Variants in CSE1L observed in about 807,000 individuals in gnomAD.
CSE1L encodes the protein exportin-2.
CSE1L carries 24 observed loss-of-function variants against 120.4 expected under a neutral mutation model. The observed-to-expected ratio is 0.20, with a 90% CI of 0.14 to 0.28. CSE1L has a LOEUF of 0.28. Ranked by LOEUF, CSE1L falls within the 10% of genes least tolerant of loss-of-function variation. The pLI, the probability that CSE1L is intolerant of heterozygous loss-of-function variation, is 1.00. For synonymous variants in CSE1L, 402 were observed against 398.3 expected (o/e 1.01, Z -0.11); for missense variants, 830 against 1,145.2 (o/e 0.72, Z 3.97).
chr20:49,088,026 T>C lies in CSE1L; in HGVS notation c.1741T>C (p.Ser581Pro). Residue 581 changes from serine (S) to proline (P), a missense_variant, in exon 17 of 25, where the codon TCT becomes CCT. Transcript: ENST00000262982. ...TTTTACAGCTATCATGAGAAGTTTT[T>C]CTCTCCTACAAGAAGCCATAATCCC... is the stretch of plus-strand genomic sequence containing the variant. Reference protein sequence around the residue: ...YIMKAIMRSFSLLQEAIIPYI... With the variant: ...YIMKAIMRSFPLLQEAIIPYI... The C allele has an allele frequency of 1.2e-6, 2 of 1,607,564 alleles. No individual in the cohort carries two copies. The highest frequency in any genetic ancestry group is 1.7e-6 in the Non-Finnish European group (2 of 1,176,812).
intron 2 of CSE1L, among the ~76,000 whole-genome samples, chr20:49,061,692 C>T (rs900366912): frequency 3.0e-4 from 45 of 151,362 alleles, no homozygotes; most frequent in African/African-American, 9.0e-4. Flanking sequence ...TTAGTAGAGA[C>T]GGGTGTTTCA....
chr20:49,048,918 A>G (rs1322898147), intron 1 of CSE1L, among the ~76,000 whole-genome samples: 1 of 152,202 alleles, frequency 6.6e-6, no homozygotes, highest in African/African-American at 2.4e-5. Flanking sequence ...ATATCTAAGA[A>G]AAAGGCAGAC....
intron 23 of CSE1L, among the ~76,000 whole-genome samples, 161 bp from the exon 24 acceptor site, chr20:49,094,571 G>A (rs2092125569): frequency 6.6e-6 from 1 of 152,142 alleles, no homozygotes; most frequent in Admixed American, 6.5e-5. Context: ...TCTTTAAGGG[G>A]AAGAACTGAA....
chr20:49,056,668 C>T (rs1180611494), intron 1 of CSE1L, among the ~76,000 whole-genome samples: 1 of 146,792 alleles, frequency 6.8e-6, no homozygotes, highest in African/African-American at 2.5e-5. Flanking sequence ...GACACTTGTA[C>T]TCTGTGTATG....
At chr20:49,093,096 T>A (rs2092113982) in intron 22 of CSE1L, among the ~76,000 whole-genome samples, 2 of 152,224 alleles carry the variant, frequency 1.3e-5, no homozygotes, top group Admixed American at 1.3e-4. Flanking sequence ...GTTAGATCCC[T>A]GTACCTCAGT....
chr20:49,094,221 G>T lies in CSE1L; in HGVS notation c.2529G>T (p.Ala843=), dbSNP rs149713430. The change falls in exon 23 of 25, where the codon GCG becomes GCT. Residue 843 remains alanine (A), a synonymous_variant. Coordinates refer to ENST00000262982, the MANE Select transcript of CSE1L (RefSeq NM_001316.4). ...GAAATGTAGAGAAAAAGATCTGTGC[G>T]GTTGGCATAACCAAATTACTAACAG... ...VSGNVEKKIC[A]VGITKLLTEC... 8.1e-6 allele frequency: 13 copies of T among 1,611,598 alleles called. No homozygotes were observed. The highest frequency in any genetic ancestry group is 1.0e-5 in the Non-Finnish European group (12 of 1,178,184).
At chr20:49,070,345 G>T in intron 8 of CSE1L, 48 bp downstream of exon 8, 1 of 881,422 alleles carries the variant, frequency 1.1e-6, no homozygotes, top group East Asian at 2.5e-5. Flanking sequence ...TTCATTAAGA[G>T]TTATTTGGCT....
At chr20:49,050,281 A>C (rs2091755840) in intron 1 of CSE1L, among the ~76,000 whole-genome samples, 1 of 151,206 alleles carries the variant, frequency 6.6e-6, no homozygotes, top group African/African-American at 2.4e-5. Flanking sequence ...TGCAGTGGCA[A>C]GACCTCAGCT....
rs1295773583 is a variant in CSE1L, at chr20:49,054,555, T to C, written c.-11-3898T>C. 3.3e-5 allele frequency among the ~76,000 whole-genome samples: 5 copies of C among 152,332 alleles called. No homozygotes were observed. In the East Asian group the frequency reaches 9.6e-4, roughly 29 times the overall value. On this transcript the variant is annotated intron_variant, in intron 1 of 24. Transcript: ENST00000262982. Reference sequence around the variant, plus strand: ...TTATTTATTAACCATATATAGTTAATATATGTCAACCTGAGTGCCCTTCTT... The same window carrying C: ...TTATTTATTAACCATATATAGTTAACATATGTCAACCTGAGTGCCCTTCTT...
At chr20:49,068,646 C>T in intron 6 of CSE1L, 69 bp from the exon 7 acceptor site, 1 of 968,612 alleles carries the variant, frequency 1.0e-6, no homozygotes, top group African/African-American at 1.6e-5. Context: ...TAGTGCAAGG[C>T]TGTTTCACTA....
chr20:49,047,582 TTTTTTTTTTTGAGA>T lies in CSE1L; in HGVS notation c.-12+1160_-12+1173del, dbSNP rs1403009479. Among the ~76,000 whole-genome samples, 99 of 116,126 alleles carry T rather than the reference TTTTTTTTTTTGAGA, an allele frequency of 8.5e-4. 1 individual carries two copies. The highest frequency in any genetic ancestry group is 1.6e-3 in the Non-Finnish European group (89 of 56,044). The allele number at this position is 116,126 out of a possible 152,430, so 76.2% of individuals were successfully genotyped here. A position where few individuals can be genotyped will look rare whatever the true frequency, so the allele number is the denominator to read the frequency against. On this transcript the variant is annotated intron_variant, in intron 1 of 24. Coordinates refer to ENST00000262982, the MANE Select transcript of CSE1L (RefSeq NM_001316.4). ...CTCTTTTCTTTTTTTTTTTTTTTTT[TTTTTTTTTTTGAGA>T]GAGAGAGTCTCGCTCTGCCTCCCAG...
chr20:49,048,950 CAG>C (rs1436290789), intron 1 of CSE1L, among the ~76,000 whole-genome samples: 1 of 152,156 alleles, frequency 6.6e-6, no homozygotes, highest in Non-Finnish European at 1.5e-5. Context: ...GCTTATGTCA[CAG>C]ATGTCTGTGA....
At chr20:49,065,627 CTT>C (rs1216328986) in intron 3 of CSE1L, among the ~76,000 whole-genome samples, 1 of 105,268 alleles carries the variant, frequency 9.5e-6, no homozygotes, top group African/African-American at 3.6e-5. Flanking sequence ...CAGAGTCACT[CTT>C]GTTGCCCAGG....
intron 3 of CSE1L, among the ~76,000 whole-genome samples, chr20:49,065,667 C>T (rs1179595980): frequency 7.0e-6 from 1 of 142,822 alleles, no homozygotes; most frequent in African/African-American, 2.6e-5. Context: ...CATCTCGGCT[C>T]CCTGCAACCT....
At chr20:49,072,190 AT>A (rs1192094613) in intron 8 of CSE1L, 95 bp from the exon 9 acceptor site, 11 of 1,289,248 alleles carry the variant, frequency 8.5e-6, no homozygotes, top group Non-Finnish European at 1.2e-5. Context: ...TTTGGATTTA[AT>A]TGATAAAGAG....
At chr20:49,053,344 TAAC>T (rs1179351607) in intron 1 of CSE1L, among the ~76,000 whole-genome samples, 1 of 133,810 alleles carries the variant, frequency 7.5e-6, no homozygotes, top group Admixed American at 8.1e-5. Context: ...CACAGCAAAC[TAAC>T]TTTTTTTTTT....
At position 49,054,306 on chromosome 20, in the gene CSE1L, T is replaced by C. The variant is rs187973671; in HGVS notation, c.-11-4147T>C. ...TTTAGAAGGTTGGGGTTTCTGGCTG[T>C]TGGGGAGTGCCCTGCATAAGCACAG... On this transcript the variant is annotated intron_variant, in intron 1 of 24. Coordinates refer to ENST00000262982, the MANE Select transcript of CSE1L (RefSeq NM_001316.4). Among the ~76,000 whole-genome samples the C allele has an allele frequency of 7.9e-5, 12 of 152,338 alleles. No homozygotes were observed. The East Asian group carries it at 2.1e-3, about 27-fold the overall frequency.
chr20:49,064,833 A>T (rs940672200), intron 3 of CSE1L, among the ~76,000 whole-genome samples: 1 of 150,782 alleles, frequency 6.6e-6, no homozygotes, highest in Non-Finnish European at 1.5e-5. Context: ...ATAATCTAGG[A>T]TGCATTCTAA....
At chr20:49,049,567 A>C (rs1165382802) in intron 1 of CSE1L, among the ~76,000 whole-genome samples, 1 of 152,200 alleles carries the variant, frequency 6.6e-6, no homozygotes, top group East Asian at 1.9e-4. Flanking sequence ...TCAGAGTGTC[A>C]AAGTACCTTT....
Sources: allele counts gnomAD v4.1 joint callset (sites outside exome capture counted in the v4.1 genomes callset), GRCh38; gene constraint gnomAD v4.1.1; transcripts MANE v1.5; gene names NCBI Gene and HGNC (gene_info 2026-07-23, HGNC 2026-07-21).